The following PLCG2 variants were observed in gnomAD, a reference collection of about 807,000 sequenced individuals.
PLCG2 encodes the protein phospholipase C gamma 2.
A neutral mutation model predicts 175.6 loss-of-function variants in PLCG2; 69 were observed. The ratio of observed to expected loss-of-function variants is 0.39; its 90% CI spans 0.32 to 0.48. The LOEUF (loss-of-function observed/expected upper bound fraction) is 0.48. PLCG2 is among the 20% of genes least tolerant of loss of function. The pLI, the probability that PLCG2 is intolerant of heterozygous loss-of-function variation, is 0.91. For synonymous variants in PLCG2, 827 were observed against 624.0 expected, an observed-to-expected ratio of 1.33 and a Z score of -4.85; for missense variants, 1,798 against 1,650.9, an observed-to-expected ratio of 1.09 and a Z score of -1.54.
intron 7 of PLCG2, among the ~76,000 whole-genome samples, chr16:81,876,016 C>CTTTTTTTTTTT (rs547152035): frequency 1.1e-3 from 128 of 114,998 alleles, no homozygotes; most frequent in African/African-American, 1.8e-3. Flanking sequence ...CTTTTTCTTT[C>CTTTTTTTTTTT]TTTTTTTTTT....
intron 2 of PLCG2, 59 bp downstream of exon 2, chr16:81,786,241 C>G (rs1416869212): frequency 1.1e-5 from 15 of 1,358,780 alleles, no homozygotes; most frequent in Non-Finnish European, 1.3e-5. Context: ...GCCTGAGCAC[C>G]TGTCCACCTT....
chr16:81,827,148 T>C (rs1037347329), intron 2 of PLCG2, among the ~76,000 whole-genome samples: 2 of 151,568 alleles, frequency 1.3e-5, no homozygotes, highest in African/African-American at 4.8e-5. Context: ...GGATGTGTGG[T>C]AAGGTGCATG....
At chr16:81,901,401 T>G (rs1260188373) in intron 14 of PLCG2, among the ~76,000 whole-genome samples, 6 of 152,142 alleles carry the variant, frequency 3.9e-5, no homozygotes, top group African/African-American at 1.4e-4. Context: ...ACAGAAGAGT[T>G]TATTTCTTCC....
chr16:81,909,221 T>C lies in PLCG2; in HGVS notation c.1733+630T>C, dbSNP rs369704668. 3.3e-5 allele frequency among the ~76,000 whole-genome samples: 5 copies of C among 152,150 alleles called. No individual in the cohort carries two copies. In the East Asian group the frequency reaches 7.7e-4, roughly 23 times the overall value. On this transcript the variant is annotated intron_variant, in intron 17 of 32. Coordinates refer to ENST00000564138, the MANE Select transcript of PLCG2 (RefSeq NM_002661.5). Reference sequence around the variant, plus strand: ...ATGAAAAAGCAGTCACTCAAATGATTTGCAAGTATAGTTGTGATGAGTGCA... The same window carrying C: ...ATGAAAAAGCAGTCACTCAAATGATCTGCAAGTATAGTTGTGATGAGTGCA...
At chr16:81,932,170 C>T (rs73598704) in intron 25 of PLCG2, among the ~76,000 whole-genome samples, 5,614 of 152,084 alleles carry the variant, frequency 0.037, 358 homozygotes, top group African/African-American at 0.13. Context: ...AAGTACTAGT[C>T]TCTGGCTGGA....
At chr16:81,805,780 T>G (rs1174181048) in intron 2 of PLCG2, among the ~76,000 whole-genome samples, 20 of 98,720 alleles carry the variant, frequency 2.0e-4, no homozygotes, top group African/African-American at 3.4e-4. Context: ...TTTTTTTTTT[T>G]TTGTTTTTTT....
intron 31 of PLCG2, among the ~76,000 whole-genome samples, chr16:81,954,284 G>C (rs989004621): frequency 5.9e-5 from 9 of 152,208 alleles, no homozygotes; most frequent in African/African-American, 1.9e-4. Flanking sequence ...GCCTCCCAAA[G>C]TGCTGGGGAT....
intron 2 of PLCG2, among the ~76,000 whole-genome samples, chr16:81,827,344 C>T (rs1475483209): frequency 6.6e-6 from 1 of 151,958 alleles, no homozygotes; most frequent in East Asian, 1.9e-4. Context: ...CTCCCATGCG[C>T]AGCTATTTTT....
At chr16:81,746,622 T>A (rs74031266) in intron 1 of PLCG2, among the ~76,000 whole-genome samples, 2,595 of 152,346 alleles carry the variant, frequency 0.017, 87 homozygotes, top group African/African-American at 0.059. Context: ...AGGCAGAGAA[T>A]AAGAGCAATA....
chr16:81,757,755 A>G (rs1048013203), intron 2 of PLCG2, among the ~76,000 whole-genome samples: 1 of 151,984 alleles, frequency 6.6e-6, no homozygotes, highest in Non-Finnish European at 1.5e-5. Context: ...ACCACAATCA[A>G]TTTTTGAAAC....
At chr16:81,746,835 C>T (rs574251495) in intron 1 of PLCG2, among the ~76,000 whole-genome samples, 1 of 152,276 alleles carries the variant, frequency 6.6e-6, no homozygotes, top group East Asian at 1.9e-4. Context: ...GTGGAGCCTA[C>T]AAAGCAAACA....
chr16:81,934,176 C>T (rs1910615360), intron 25 of PLCG2, among the ~76,000 whole-genome samples: 3 of 152,250 alleles, frequency 2.0e-5, no homozygotes, highest in South Asian at 4.1e-4. Flanking sequence ...CTGACCTCAC[C>T]TATATTTGAG....
intron 5 of PLCG2, among the ~76,000 whole-genome samples, chr16:81,867,248 T>C (rs3935877): frequency 0.83 from 126,112 of 152,226 alleles, 53,421 homozygotes; most frequent in East Asian, 0.99. Context: ...GGAAACTAGG[T>C]GGTTTTCTCC....
chr16:81,919,252 G>C (rs931684987), intron 19 of PLCG2, among the ~76,000 whole-genome samples: 3 of 152,210 alleles, frequency 2.0e-5, no homozygotes, highest in African/African-American at 7.2e-5. Flanking sequence ...AGGAGCTGTT[G>C]AGTCACTCGG....
At chr16:81,858,577 G>A (rs962577940) in intron 4 of PLCG2, among the ~76,000 whole-genome samples, 9 of 152,168 alleles carry the variant, frequency 5.9e-5, no homozygotes, top group African/African-American at 2.2e-4. Context: ...TGGCCTATTG[G>A]AGTGAGTGGT....
intron 30 of PLCG2, among the ~76,000 whole-genome samples, chr16:81,942,921 T>A (rs74029310): frequency 0.02 from 2,971 of 149,502 alleles, 93 homozygotes; most frequent in African/African-American, 0.067. Flanking sequence ...AACAATTATT[T>A]TTTTTTTTTT....
chr16:81,778,027 AAAAACAAAAAAAAAAC>A (rs1910494672), upstream of PLCG2, among the ~76,000 whole-genome samples: 1 of 83,350 alleles, frequency 1.2e-5, no homozygotes. Context: ...AAAAAAAAAA[AAAAACAAAAAAAAAAC>A]AAAAAAAAAA....
intron 19 of PLCG2, among the ~76,000 whole-genome samples, chr16:81,914,994 C>A (rs932803464): frequency 2.6e-5 from 4 of 152,222 alleles, no homozygotes; most frequent in South Asian, 2.1e-4. Flanking sequence ...TTGTAACAAT[C>A]AAAAATAACA....
intron 19 of PLCG2, among the ~76,000 whole-genome samples, chr16:81,913,768 C>G (rs1164891169): frequency 1.3e-5 from 2 of 152,214 alleles, no homozygotes; most frequent in East Asian, 3.9e-4. Flanking sequence ...CCACTCCTCT[C>G]CCCATTCCCT....
Sources: gnomAD v4.1 joint callset for allele counts (sites outside exome capture counted in the v4.1 genomes callset) on GRCh38, gnomAD v4.1.1 for gene constraint, MANE v1.5 for transcripts, NCBI Gene and HGNC (gene_info 2026-07-23, HGNC 2026-07-21) for gene names.